The following PDZRN4 variants were observed in gnomAD, a reference collection of about 807,000 sequenced individuals.
The protein encoded by PDZRN4 is PDZ domain-containing RING finger protein 4.
In PDZRN4, 70 loss-of-function variants were observed where a neutral mutation model predicts 99.0. That is an observed-to-expected ratio of 0.71 (90% CI 0.58 to 0.86). PDZRN4 has a LOEUF of 0.86. Among genes scored for constraint, PDZRN4 ranks in the 40% least tolerant of loss-of-function variants. The pLI is 0.00. For synonymous variants in PDZRN4, 551 were observed against 501.6 expected, an observed-to-expected ratio of 1.10 and a Z score of -1.32; for missense variants, 1,474 against 1,331.2, an observed-to-expected ratio of 1.11 and a Z score of -1.67.
At chr12:41,311,579 G>A (rs1951606789) in intron 3 of PDZRN4, among the ~76,000 whole-genome samples, 1 of 152,128 alleles carries the variant, frequency 6.6e-6, no homozygotes, top group Admixed American at 6.6e-5. Flanking sequence ...TAGAAATTAT[G>A]TCTTTAGTAC....
At chr12:41,471,556 T>A (rs919557716) in intron 3 of PDZRN4, among the ~76,000 whole-genome samples, 1 of 149,558 alleles carries the variant, frequency 6.7e-6, no homozygotes, top group East Asian at 1.9e-4. Context: ...ATTTCTATAA[T>A]AAATAGTAAT....
At chr12:41,359,182 T>G (rs1951948705) in intron 3 of PDZRN4, among the ~76,000 whole-genome samples, 2 of 151,714 alleles carry the variant, frequency 1.3e-5, no homozygotes. Flanking sequence ...CTTCTAACAT[T>G]TTTTTTTATT....
intron 3 of PDZRN4, among the ~76,000 whole-genome samples, chr12:41,483,195 A>C (rs1049849838): frequency 2.0e-5 from 3 of 152,030 alleles, no homozygotes; most frequent in Non-Finnish European, 4.4e-5. Flanking sequence ...GGTGACCTCC[A>C]CAACCAAAGT....
At chr12:41,370,703 T>G (rs1269643256) in intron 3 of PDZRN4, among the ~76,000 whole-genome samples, 1 of 151,974 alleles carries the variant, frequency 6.6e-6, no homozygotes, top group Non-Finnish European at 1.5e-5. Flanking sequence ...CTAGACATTT[T>G]TAAACCATGC....
intron 3 of PDZRN4, among the ~76,000 whole-genome samples, chr12:41,220,262 G>A (rs1443939268): frequency 2.0e-5 from 3 of 152,034 alleles, no homozygotes; most frequent in Non-Finnish European, 4.4e-5. Flanking sequence ...TTTTTCCTTG[G>A]CATGTAGGTG....
chr12:41,449,051 C>A (rs1349090865), intron 3 of PDZRN4, among the ~76,000 whole-genome samples: 1 of 152,098 alleles, frequency 6.6e-6, no homozygotes, highest in African/African-American at 2.4e-5. Flanking sequence ...ATCTTAAGAT[C>A]TCCAGTCATG....
intron 3 of PDZRN4, among the ~76,000 whole-genome samples, chr12:41,305,157 C>T (rs1019959862): frequency 1.3e-5 from 2 of 152,114 alleles, no homozygotes; most frequent in African/African-American, 4.8e-5. Context: ...AAAAATCATT[C>T]GGGTGTTTTG....
chr12:41,191,384 T>C, intron 1 of PDZRN4, 74 bp from the exon 2 acceptor site: 1 of 767,776 alleles, frequency 1.3e-6, no homozygotes, highest in African/African-American at 1.8e-5. Flanking sequence ...TTACAGTACA[T>C]AAAAACTTAT....
intron 3 of PDZRN4, among the ~76,000 whole-genome samples, chr12:41,383,381 T>C (rs1175134313): frequency 6.6e-6 from 1 of 152,208 alleles, no homozygotes; most frequent in Non-Finnish European, 1.5e-5. Context: ...TGCTGAGCAT[T>C]TTAAAGTTGT....
intron 3 of PDZRN4, among the ~76,000 whole-genome samples, chr12:41,486,184 A>G (rs1305375760): frequency 6.6e-6 from 1 of 152,190 alleles, no homozygotes; most frequent in Admixed American, 6.6e-5. Flanking sequence ...TGTAAAAGAC[A>G]TTAAAATATT....
At chr12:41,508,361 C>T (rs1001556335) in intron 4 of PDZRN4, among the ~76,000 whole-genome samples, 4 of 152,122 alleles carry the variant, frequency 2.6e-5, no homozygotes, top group African/African-American at 9.7e-5. Flanking sequence ...CCATGTGCTC[C>T]CAAGGCTCCT....
chr12:41,259,489 T>A (rs1951223673), intron 3 of PDZRN4, among the ~76,000 whole-genome samples: 1 of 152,138 alleles, frequency 6.6e-6, no homozygotes, highest in Non-Finnish European at 1.5e-5. Context: ...GAAACACTGG[T>A]ACTTGAAAGT....
chr12:41,337,545 T>C (rs970756791), intron 3 of PDZRN4, among the ~76,000 whole-genome samples: 3 of 152,154 alleles, frequency 2.0e-5, no homozygotes, highest in Non-Finnish European at 4.4e-5. Context: ...AATTCAGAAT[T>C]CTGAGAGACA....
At chr12:41,490,432 C>T (rs1231742879) in intron 3 of PDZRN4, among the ~76,000 whole-genome samples, 2 of 152,018 alleles carry the variant, frequency 1.3e-5, no homozygotes, top group Admixed American at 1.3e-4. Context: ...TCTAAATGGG[C>T]CGTAATTATT....
chr12:41,516,476 A>G (rs1027605605), intron 5 of PDZRN4, among the ~76,000 whole-genome samples: 1 of 152,126 alleles, frequency 6.6e-6, no homozygotes, highest in Non-Finnish European at 1.5e-5. Flanking sequence ...AATTTGAAAT[A>G]AAGTAAGAAA....
chr12:41,574,071 T>C lies in PDZRN4; in HGVS notation c.*181T>C. 1 of 410,914 alleles carries C rather than the reference T, an allele frequency of 2.4e-6. No individual in the cohort carries two copies. The allele number at this position is 410,914 out of a possible 1,614,324, so 25.5% of individuals were successfully genotyped here. A position where few individuals can be genotyped will look rare whatever the true frequency, so the allele number is the denominator to read the frequency against. On this transcript the variant is annotated 3_prime_UTR_variant, in exon 10 of 10. Coordinates refer to ENST00000402685, the MANE Select transcript of PDZRN4 (RefSeq NM_001164595.2). ...TTGTTTTTCATATACTGGTACCTTC[T>C]TTTTGGCTGAGATCTTTCTTTTACT...
chr12:41,332,700 G>A (rs1055452263), intron 3 of PDZRN4, among the ~76,000 whole-genome samples: 1 of 146,436 alleles, frequency 6.8e-6, no homozygotes, highest in African/African-American at 2.5e-5. Context: ...TACTCCAAAG[G>A]GGTAGTTTGG....
chr12:41,263,319 G>A (rs942456473), intron 3 of PDZRN4, among the ~76,000 whole-genome samples: 13 of 151,908 alleles, frequency 8.6e-5, no homozygotes, highest in Non-Finnish European at 1.0e-4. Context: ...TTGGGTGGCC[G>A]AGGTGGGCGG....
At chr12:41,497,176 G>C (rs1216511493) in intron 3 of PDZRN4, among the ~76,000 whole-genome samples, 1 of 152,098 alleles carries the variant, frequency 6.6e-6, no homozygotes, top group African/African-American at 2.4e-5. Context: ...CAAGGGCTAA[G>C]AGCACATTTC....
Sources: gnomAD v4.1 joint callset for allele counts (sites outside exome capture counted in the v4.1 genomes callset) on GRCh38, gnomAD v4.1.1 for gene constraint, MANE v1.5 for transcripts, NCBI Gene and HGNC (gene_info 2026-07-23, HGNC 2026-07-21) for gene names.